The following LRRC28 variants were observed in gnomAD, a reference collection of about 807,000 sequenced individuals.
LRRC28 encodes leucine-rich repeat-containing protein 28.
LRRC28 carries 39 observed loss-of-function variants against 45.7 expected under a neutral mutation model. That is an observed-to-expected ratio of 0.85 (90% CI 0.66 to 1.12). The LOEUF is 1.12. Among genes scored for constraint, LRRC28 ranks in the 50% most tolerant of loss-of-function variants. The pLI is 0.00. For synonymous variants in LRRC28, 206 were observed against 178.8 expected, an observed-to-expected ratio of 1.15 and a Z score of -1.22; for missense variants, 435 against 438.5, an observed-to-expected ratio of 0.99 and a Z score of 0.07.
intron 2 of LRRC28, among the ~76,000 whole-genome samples, chr15:99,260,923 TTTTG>T (rs912087919): frequency 1.3e-5 from 2 of 152,238 alleles, no homozygotes; most frequent in Admixed American, 6.5e-5. Context: ...TCTTAACATT[TTTTG>T]TTTGTTTGTT....
At chr15:99,280,520 A>G (rs973333242) in intron 3 of LRRC28, among the ~76,000 whole-genome samples, 18 of 151,532 alleles carry the variant, frequency 1.2e-4, no homozygotes, top group African/African-American at 3.9e-4. Context: ...TGTTATCAGC[A>G]CGTTCATGAT....
chr15:99,326,440 G>A (rs2152284303), intron 5 of LRRC28: 2 of 152,276 alleles, frequency 1.3e-5, no homozygotes, highest in African/African-American at 4.8e-5. Context: ...CCTTTAAAAG[G>A]TCATGTCCTG....
intron 9 of LRRC28, among the ~76,000 whole-genome samples, chr15:99,370,298 CAT>C (rs1368865186): frequency 1.3e-5 from 2 of 152,304 alleles, no homozygotes; most frequent in East Asian, 3.9e-4. Flanking sequence ...ACTTTCAACT[CAT>C]AAACTCATAA....
chr15:99,261,767 C>G (rs1017810422), intron 2 of LRRC28, among the ~76,000 whole-genome samples: 3 of 152,082 alleles, frequency 2.0e-5, no homozygotes, highest in Non-Finnish European at 4.4e-5. Flanking sequence ...AAGTGATTCT[C>G]CTGCCTCAGC....
At chr15:99,326,783 G>C (rs118005956) in intron 5 of LRRC28, among the ~76,000 whole-genome samples, 1 of 152,156 alleles carries the variant, frequency 6.6e-6, no homozygotes, top group East Asian at 1.9e-4. Context: ...AGTGTTGCTG[G>C]CTTTCATTTG....
intron 2 of LRRC28, chr15:99,256,504 G>A (rs776449725): frequency 6.4e-6 from 1 of 155,794 alleles, no homozygotes; most frequent in South Asian, 2.0e-4. Flanking sequence ...AAAAGTAAAC[G>A]AGAAAGACCA....
At chr15:99,315,588 A>T (rs749961166) in intron 5 of LRRC28, among the ~76,000 whole-genome samples, 8 of 152,312 alleles carry the variant, frequency 5.3e-5, no homozygotes, top group Non-Finnish European at 1.2e-4. Context: ...TTTTGAACCA[A>T]TCATTTTTTT....
chr15:99,367,178 A>G (rs1407842326), intron 9 of LRRC28, among the ~76,000 whole-genome samples: 1 of 152,228 alleles, frequency 6.6e-6, no homozygotes, highest in Non-Finnish European at 1.5e-5. Context: ...CCAACCAGCT[A>G]TAAAATCAGG....
At chr15:99,360,177 T>C (rs1216440134) in intron 7 of LRRC28, among the ~76,000 whole-genome samples, 2 of 152,204 alleles carry the variant, frequency 1.3e-5, no homozygotes, top group African/African-American at 2.4e-5. Context: ...CATCCCTGTT[T>C]CCAGCACTGT....
intron 5 of LRRC28, chr15:99,297,329 C>T: frequency 1.3e-5 from 2 of 152,274 alleles, no homozygotes; most frequent in Non-Finnish European, 1.5e-5. Flanking sequence ...CTCACTGCAG[C>T]CTTGACCTCC....
At chr15:99,372,860 TCAG>T (rs919116587) in intron 9 of LRRC28, among the ~76,000 whole-genome samples, 88 of 152,238 alleles carry the variant, frequency 5.8e-4, no homozygotes, top group African/African-American at 2.1e-3. Flanking sequence ...TGAGGAGGCC[TCAG>T]GAAACTTAAC....
chr15:99,295,155 C>A (rs1011986245), intron 5 of LRRC28, among the ~76,000 whole-genome samples: 1 of 152,180 alleles, frequency 6.6e-6, no homozygotes, highest in Non-Finnish European at 1.5e-5. Context: ...AAGTGGAAGT[C>A]CTGTTAGATG....
chr15:99,381,362 C>T (rs180995989), intron 9 of LRRC28, among the ~76,000 whole-genome samples: 225 of 152,224 alleles, frequency 1.5e-3, no homozygotes, highest in African/African-American at 4.1e-3. Context: ...GTAGTTCTCG[C>T]GCCATGTTTT....
At chr15:99,280,970 C>T (rs2081770519) in intron 3 of LRRC28, among the ~76,000 whole-genome samples, 1 of 151,398 alleles carries the variant, frequency 6.6e-6, no homozygotes, top group South Asian at 2.1e-4. Context: ...ATATTTTCTT[C>T]TTCAGTGTCT....
At chr15:99,331,428 C>G (rs1490631441) in intron 5 of LRRC28, among the ~76,000 whole-genome samples, 1 of 152,114 alleles carries the variant, frequency 6.6e-6, no homozygotes, top group East Asian at 1.9e-4. Flanking sequence ...TCAAACCTAC[C>G]TCATGCTTCT....
At chr15:99,359,895 T>C (rs1957151349) in intron 7 of LRRC28, among the ~76,000 whole-genome samples, 2 of 152,234 alleles carry the variant, frequency 1.3e-5, no homozygotes, top group Admixed American at 1.3e-4. Flanking sequence ...TTACCCATAA[T>C]GATATTCCAT....
At chr15:99,352,008 G>A (rs925505147) in intron 6 of LRRC28, among the ~76,000 whole-genome samples, 1 of 152,206 alleles carries the variant, frequency 6.6e-6, no homozygotes. Flanking sequence ...ACAGGCCAGG[G>A]TGATTAGACC....
chr15:99,335,625 G>A (rs112980212), intron 6 of LRRC28, among the ~76,000 whole-genome samples: 2 of 152,096 alleles, frequency 1.3e-5, no homozygotes, highest in Admixed American at 1.3e-4. Context: ...CCTGAGAATA[G>A]CCACTGCACT....
chr15:99,264,506 C>G (rs946845402), intron 2 of LRRC28, among the ~76,000 whole-genome samples: 1 of 152,182 alleles, frequency 6.6e-6, no homozygotes, highest in African/African-American at 2.4e-5. Flanking sequence ...CTGAGCAATG[C>G]TGAGGTGGGG....
Sources: gnomAD v4.1 joint callset for allele counts (sites outside exome capture counted in the v4.1 genomes callset) on GRCh38, gnomAD v4.1.1 for gene constraint, MANE v1.5 for transcripts, NCBI Gene and HGNC (gene_info 2026-07-23, HGNC 2026-07-21) for gene names.